The following SPATA18 variants were observed in gnomAD, a reference collection of about 807,000 sequenced individuals.
SPATA18 encodes spermatogenesis associated 18.
A neutral mutation model predicts 68.1 loss-of-function variants in SPATA18; 54 were observed. The ratio of observed to expected loss-of-function variants is 0.79; its 90% CI spans 0.64 to 0.99. The LOEUF is 0.99. SPATA18 is among the 50% of genes least tolerant of loss of function. The pLI, the probability that SPATA18 is intolerant of heterozygous loss-of-function variation, is 0.00. For missense variants in SPATA18, 724 were observed against 681.1 expected (o/e 1.06, Z -0.70); for synonymous variants, 242 against 244.8 (o/e 0.99, Z 0.11).
At chr4:52,069,462 T>G (rs1739607169) in intron 4 of SPATA18, among the ~76,000 whole-genome samples, 1 of 152,170 alleles carries the variant, frequency 6.6e-6, no homozygotes, top group African/African-American at 2.4e-5. Flanking sequence ...GTGGAGATTT[T>G]GTAGAGAAAG....
rs1560601770 is a variant in SPATA18, at chr4:52,078,860, T to C, written c.1146T>C (p.His382=). Residue 382 remains histidine (H), a synonymous_variant, in exon 8 of 13, where the codon CAT becomes CAC. Transcript: ENST00000295213. ...ENAVLDYVIC[H]LDLYDSQSSV... ...CTGTCTTGGATTATGTCATTTGTCA[T>C]CTTGATCTATATGATTCTCAAAGCA... 6.2e-7 allele frequency: 1 copy of C among 1,602,266 alleles called. No individual in the cohort carries two copies. The highest frequency in any genetic ancestry group is 2.2e-5 in the East Asian group (1 of 44,546).
intron 4 of SPATA18, among the ~76,000 whole-genome samples, chr4:52,068,249 T>C (rs1560590137): frequency 2.0e-5 from 3 of 152,252 alleles, no homozygotes; most frequent in Non-Finnish European, 4.4e-5. Flanking sequence ...TAGTTTCCTT[T>C]CAATCTCCAA....
At chr4:52,090,863 T>A (rs1249262579) in intron 11 of SPATA18, among the ~76,000 whole-genome samples, 1 of 152,184 alleles carries the variant, frequency 6.6e-6, no homozygotes, top group South Asian at 2.1e-4. Context: ...ATCTCCTGGA[T>A]AATAACCTGA....
chr4:52,066,956 G>A (rs1028068952), intron 4 of SPATA18, among the ~76,000 whole-genome samples: 1 of 152,198 alleles, frequency 6.6e-6, no homozygotes, highest in Middle Eastern at 3.4e-3. Flanking sequence ...TAGTGCTACA[G>A]TAAACATACA....
chr4:52,089,193 C>A (rs753480584), intron 11 of SPATA18, among the ~76,000 whole-genome samples: 1 of 152,170 alleles, frequency 6.6e-6, no homozygotes, highest in East Asian at 1.9e-4. Context: ...ATTAGTCTGG[C>A]TAGCAGTATA....
chr4:52,052,083 G>A (rs1442930811), intron 1 of SPATA18, among the ~76,000 whole-genome samples: 2 of 152,140 alleles, frequency 1.3e-5, no homozygotes, highest in Non-Finnish European at 2.9e-5. Context: ...GGACGCCGGC[G>A]ACCTAGCAAT....
chr4:52,073,541 T>C (rs1740054142), intron 6 of SPATA18, among the ~76,000 whole-genome samples: 1 of 152,078 alleles, frequency 6.6e-6, no homozygotes, highest in Non-Finnish European at 1.5e-5. Context: ...GAGGTTGTGG[T>C]GGGGAAGATT....
chr4:52,062,892 T>C (rs1738999067), intron 4 of SPATA18, among the ~76,000 whole-genome samples: 1 of 152,188 alleles, frequency 6.6e-6, no homozygotes, highest in Admixed American at 6.6e-5. Flanking sequence ...CTATTAGGTA[T>C]AAGAATGTAT....
intron 11 of SPATA18, among the ~76,000 whole-genome samples, chr4:52,086,231 C>G (rs1326056169): frequency 6.6e-6 from 1 of 152,124 alleles, no homozygotes; most frequent in East Asian, 1.9e-4. Flanking sequence ...ACCAAAAACC[C>G]CTGCAGTTGA....
rs572526479 is a variant in SPATA18, at chr4:52,097,135, T to G, written c.*2248T>G. On this transcript the variant is annotated 3_prime_UTR_variant, in exon 13 of 13. Coordinates refer to ENST00000295213, the MANE Select transcript of SPATA18 (RefSeq NM_145263.4). ...GGCCTATACTCATTTTATCTGGGGA[T>G]GTACCTTACCCTTAGAGACTTTGAA... The G allele has an allele frequency of 2.0e-5, 3 of 152,324 alleles. No homozygotes were observed. In the South Asian group the frequency reaches 6.2e-4, roughly 32 times the overall value. The allele number at this position is 152,324 out of a possible 1,614,324, so 9.4% of individuals were successfully genotyped here. A position where few individuals can be genotyped will look rare whatever the true frequency, so the allele number is the denominator to read the frequency against.
Position 52,062,085 on chromosome 4 carries a change from C to A in SPATA18, c.310-135C>A, listed in dbSNP as rs1041016799. On this transcript the variant is annotated intron_variant, in intron 3 of 12. Transcript: ENST00000295213. ...TTTTATCACTCTAGATTAATTTTGC[C>A]TGTACTAGAACTTCATGTGCATGGA... 1.1e-5 allele frequency: 6 copies of A among 555,740 alleles called. No individual in the cohort carries two copies. In the African/African-American group the frequency reaches 1.1e-4, roughly 11 times the overall value. The allele number at this position is 555,740 out of a possible 1,614,324, so 34.4% of individuals were successfully genotyped here.
chr4:52,079,716 C>CAA, intron 8 of SPATA18, 28 bp from the exon 9 acceptor site: 2 of 1,610,222 alleles, frequency 1.2e-6, no homozygotes. Flanking sequence ...AGGCTGGTAA[C>CAA]AAAGTGATGC....
chr4:52,065,124 T>A (rs1277484409), intron 4 of SPATA18, among the ~76,000 whole-genome samples: 1 of 152,200 alleles, frequency 6.6e-6, no homozygotes, highest in Non-Finnish European at 1.5e-5. Context: ...ATGGTTTTTT[T>A]TCTTGCTGAT....
In SPATA18 at chr4:52,082,394, C is replaced by T. The variant is rs775852810; in HGVS notation, c.1363C>T (p.Arg455Cys). Residue 455 changes from arginine to cysteine, a missense_variant, in exon 10 of 13, where the codon CGC becomes TGC. Transcript: ENST00000295213. Reference sequence around the variant, plus strand: ...TTTGTATATTGAAAACAGATACCGCCGCAGCTACGACTCGGATTTCACTGC... The same window carrying T: ...TTTGTATATTGAAAACAGATACCGCTGCAGCTACGACTCGGATTTCACTGC... ...GEVFNDCKYR[R>C]SYDSDFTAPL... is the part of the protein sequence containing the mutation. 1.4e-5 allele frequency: 23 copies of T among 1,613,718 alleles called. No individual in the cohort carries two copies. Among genetic ancestry groups the T allele is most frequent in the South Asian group, 7.7e-5 (7 of 91,040 alleles).
chr4:52,094,766 A>C, intron 12 of SPATA18, 114 bp from the exon 13 acceptor site: 2 of 1,460,992 alleles, frequency 1.4e-6, no homozygotes, highest in Admixed American at 1.7e-5. Flanking sequence ...GGAGCTTCCA[A>C]CCAAGAGGCT....
intron 1 of SPATA18, among the ~76,000 whole-genome samples, chr4:52,058,121 A>G (rs1228744411): frequency 2.0e-5 from 3 of 152,232 alleles, no homozygotes; most frequent in Admixed American, 6.5e-5. Context: ...ATTAACGAGG[A>G]AGAAATGGAG....
At chr4:52,083,279 C>G (rs1354535256) in intron 10 of SPATA18, 4 of 985,136 alleles carry the variant, frequency 4.1e-6, no homozygotes, top group Non-Finnish European at 4.8e-6. Context: ...CCACAGCTGG[C>G]TGATCTCTGT....
intron 11 of SPATA18, among the ~76,000 whole-genome samples, chr4:52,092,072 C>CAGAT (rs1742010536): frequency 6.6e-6 from 1 of 152,194 alleles, no homozygotes; most frequent in South Asian, 2.1e-4. Flanking sequence ...TTGACCATCC[C>CAGAT]AGATAGATCT....
chr4:52,076,174 A>T (rs1019092610), intron 6 of SPATA18, among the ~76,000 whole-genome samples: 25 of 152,058 alleles, frequency 1.6e-4, no homozygotes, highest in South Asian at 2.1e-4. Flanking sequence ...GGACATGGGG[A>T]TGTTTGATTA....
Sources: gnomAD v4.1 joint callset for allele counts (sites outside exome capture counted in the v4.1 genomes callset) on GRCh38, gnomAD v4.1.1 for gene constraint, MANE v1.5 for transcripts, NCBI Gene and HGNC (gene_info 2026-07-23, HGNC 2026-07-21) for gene names.